The following ADGRL3 variants were observed in gnomAD, a reference collection of about 807,000 sequenced individuals.
ADGRL3 encodes adhesion G protein-coupled receptor L3, also known as calcium-independent alpha-latrotoxin receptor 3.
In ADGRL3, 62 loss-of-function variants were observed where a neutral mutation model predicts 153.5. The ratio of observed to expected loss-of-function variants is 0.40; its 90% CI spans 0.33 to 0.50. The LOEUF is 0.50. Ranked by LOEUF, ADGRL3 falls within the 20% of genes least tolerant of loss-of-function variation. The pLI, the probability that ADGRL3 is intolerant of heterozygous loss-of-function variation, is 0.47. For missense variants in ADGRL3, 1,641 were observed against 1,859.4 expected (o/e 0.88, Z 2.16); for synonymous variants, 710 against 672.5 (o/e 1.06, Z -0.86).
chr4:61,340,620 T>G (rs2095788136), intron 1 of ADGRL3, among the ~76,000 whole-genome samples: 1 of 152,106 alleles, frequency 6.6e-6, no homozygotes, highest in African/African-American at 2.4e-5. Context: ...TATCAGTCTA[T>G]CTCTCTTATG....
At chr4:61,551,539 TTA>T (rs2098740457) in intron 4 of ADGRL3, among the ~76,000 whole-genome samples, 1 of 152,184 alleles carries the variant, frequency 6.6e-6, no homozygotes, top group African/African-American at 2.4e-5. Context: ...TGGTTGGCAT[TTA>T]TACAAGCTGT....
chr4:61,209,466 G>A (rs73212227), intron 1 of ADGRL3, among the ~76,000 whole-genome samples: 3,280 of 152,130 alleles, frequency 0.022, 132 homozygotes, highest in African/African-American at 0.075. Flanking sequence ...ATGTCCTTGA[G>A]TACCATTATT....
At chr4:61,742,107 T>C (rs1320126515) in intron 8 of ADGRL3, among the ~76,000 whole-genome samples, 3 of 152,166 alleles carry the variant, frequency 2.0e-5, no homozygotes, top group East Asian at 1.9e-4. Context: ...GTGCCAAAAG[T>C]AATGATTATC....
intron 1 of ADGRL3, among the ~76,000 whole-genome samples, chr4:61,338,108 T>A (rs537445863): frequency 1.3e-5 from 2 of 151,434 alleles, no homozygotes; most frequent in African/African-American, 4.9e-5. Flanking sequence ...CTACTAAAAA[T>A]AATAATAATA....
chr4:61,550,328 T>A (rs1197635125), intron 4 of ADGRL3, among the ~76,000 whole-genome samples: 1 of 152,036 alleles, frequency 6.6e-6, no homozygotes, highest in African/African-American at 2.4e-5. Flanking sequence ...ACCTAGATGT[T>A]GTTTTAAAAG....
chr4:61,326,730 G>C (rs989556671), intron 1 of ADGRL3, among the ~76,000 whole-genome samples: 2 of 151,274 alleles, frequency 1.3e-5, no homozygotes, highest in Non-Finnish European at 1.5e-5. Flanking sequence ...CCTTCTTTTG[G>C]GGAGCTATTG....
intron 8 of ADGRL3, among the ~76,000 whole-genome samples, chr4:61,773,442 A>G (rs73823231): frequency 0.076 from 11,613 of 152,230 alleles, 1,251 homozygotes; most frequent in African/African-American, 0.24. Flanking sequence ...CTAAAGCACC[A>G]GCAACCTTTT....
intron 19 of ADGRL3, among the ~76,000 whole-genome samples, chr4:61,993,107 C>A (rs1055992712): frequency 1.3e-5 from 2 of 149,770 alleles, no homozygotes; most frequent in East Asian, 3.9e-4. Context: ...ATTCTTAAAA[C>A]GTATTATTAC....
intron 8 of ADGRL3, among the ~76,000 whole-genome samples, chr4:61,749,565 T>G (rs866650772): frequency 6.6e-6 from 1 of 152,186 alleles, no homozygotes; most frequent in South Asian, 2.1e-4. Flanking sequence ...TGTAGGGACA[T>G]GGATGAAATT....
intron 6 of ADGRL3, among the ~76,000 whole-genome samples, chr4:61,723,301 T>A (rs928038263): frequency 6.6e-6 from 1 of 152,194 alleles, no homozygotes. Flanking sequence ...AATAGTGATA[T>A]GGCTCCAATG....
At chr4:61,752,437 T>C (rs943467920) in intron 8 of ADGRL3, among the ~76,000 whole-genome samples, 3 of 152,120 alleles carry the variant, frequency 2.0e-5, no homozygotes, top group African/African-American at 7.2e-5. Flanking sequence ...CAAAGGGGTA[T>C]GAGTTAAAAG....
chr4:61,793,635 C>T (rs1428484676), intron 8 of ADGRL3, among the ~76,000 whole-genome samples: 1 of 152,126 alleles, frequency 6.6e-6, no homozygotes, highest in African/African-American at 2.4e-5. Context: ...TTTGCAACAA[C>T]TAATTTTACC....
intron 2 of ADGRL3, among the ~76,000 whole-genome samples, chr4:61,445,554 G>T (rs766785781): frequency 2.0e-5 from 3 of 152,228 alleles, no homozygotes; most frequent in Non-Finnish European, 2.9e-5. Context: ...TAATGGCAAT[G>T]AGGTAATGGA....
chr4:61,393,764 A>G (rs952873338), intron 2 of ADGRL3, among the ~76,000 whole-genome samples: 1 of 152,202 alleles, frequency 6.6e-6, no homozygotes, highest in South Asian at 2.1e-4. Context: ...GAATATCATC[A>G]TAACTCTTGA....
At chr4:61,557,041 T>C (rs1316704525) in intron 4 of ADGRL3, among the ~76,000 whole-genome samples, 7 of 152,142 alleles carry the variant, frequency 4.6e-5, no homozygotes, top group Non-Finnish European at 1.0e-4. Flanking sequence ...CATTTTCTAA[T>C]CTACAGCAAG....
At chr4:61,568,357 A>T (rs2098824850) in intron 4 of ADGRL3, among the ~76,000 whole-genome samples, 1 of 152,146 alleles carries the variant, frequency 6.6e-6, no homozygotes, top group African/African-American at 2.4e-5. Context: ...AAATTATATT[A>T]ATACTTTGTA....
At chr4:61,737,636 A>G (rs1045548965) in intron 8 of ADGRL3, among the ~76,000 whole-genome samples, 3 of 152,234 alleles carry the variant, frequency 2.0e-5, no homozygotes, top group African/African-American at 7.2e-5. Flanking sequence ...AATAGGCACA[A>G]TACAGTAACA....
chr4:61,989,060 C>T (rs1349168406), intron 19 of ADGRL3, among the ~76,000 whole-genome samples: 1 of 151,922 alleles, frequency 6.6e-6, no homozygotes, highest in African/African-American at 2.4e-5. Context: ...TTAAAAGACC[C>T]CAGACTTCCT....
At chr4:61,758,979 C>A (rs1356401098) in intron 8 of ADGRL3, among the ~76,000 whole-genome samples, 1 of 152,108 alleles carries the variant, frequency 6.6e-6, no homozygotes, top group Non-Finnish European at 1.5e-5. Flanking sequence ...GTTGAAAATT[C>A]TTTTCTTTAA....
Sources: gnomAD v4.1 joint callset for allele counts (sites outside exome capture counted in the v4.1 genomes callset) on GRCh38, gnomAD v4.1.1 for gene constraint, MANE v1.5 for transcripts, NCBI Gene and HGNC (gene_info 2026-07-23, HGNC 2026-07-21) for gene names.